Variants in SLC33A1 observed in about 807,000 individuals in gnomAD.
The protein encoded by SLC33A1 is acetyl-coenzyme A transporter 1.
A neutral mutation model predicts 50.0 loss-of-function variants in SLC33A1; 20 were observed. The observed-to-expected ratio is 0.40, with a 90% CI of 0.28 to 0.58. SLC33A1 has a LOEUF of 0.58. Ranked by LOEUF, SLC33A1 falls within the 20% of genes least tolerant of loss-of-function variation. The pLI is 0.44. For synonymous variants in SLC33A1, 265 were observed against 251.8 expected (o/e 1.05, Z -0.50); for missense variants, 476 against 657.0 (o/e 0.72, Z 3.01).
At chr3:155,842,820 GCAACATAGTGGGACCCTATCCCTA>G (rs1166163735) in intron 1 of SLC33A1, 1 of 359,552 alleles carries the variant, frequency 2.8e-6, no homozygotes, top group Non-Finnish European at 5.0e-6. Context: ...ACCAGCCTGG[GCAACATAGTGGGACCCTATCCCTA>G]CAAAAAATAA....
intron 3 of SLC33A1, 62 bp from the exon 4 acceptor site, chr3:155,833,647 A>G (rs566285669): frequency 1.3e-5 from 14 of 1,097,890 alleles, no homozygotes; most frequent in Non-Finnish European, 2.0e-5. Flanking sequence ...AACAACAAAA[A>G]CAGAAATCCG....
chr3:155,835,110 C>T lies in SLC33A1; in HGVS notation c.964-1069G>A, dbSNP rs139698714. ...GAGTTGTGGTTTTGTAAGCAGAAAA[C>T]TTGTTCTTAGGAAATACATACTTAA... On this transcript the variant is annotated intron_variant, in intron 2 of 5. Transcript: ENST00000643144. 2.7e-3 allele frequency among the ~76,000 whole-genome samples: 418 copies of T among 152,254 alleles called. 1 individual carries two copies. Among genetic ancestry groups the T allele is most frequent in the African/African-American group, 9.6e-3 (400 of 41,532 alleles).
rs1037643070 is a variant in SLC33A1 at position 155,853,662 on chromosome 3, G to T, written c.336C>A (p.Phe112Leu). The T allele has an allele frequency of 6.2e-7, 1 of 1,614,086 alleles. No homozygotes were observed. Among genetic ancestry groups the T allele is most frequent in the African/African-American group, 1.3e-5 (1 of 74,928 alleles). The change falls in exon 1 of 6, where the codon TTC becomes TTA. Residue 112 changes from phenylalanine to leucine, a missense_variant. Phe to Leu is a conservative substitution (Grantham distance 22). Transcript: ENST00000643144. ...KNVSYTDQAF[F>L]SFVFWPFSLK... The stretch of plus-strand genomic sequence containing the variant: ...GACTGAAGGGCCAAAAGACAAAACT[G>T]AAGAAAGCTTGGTCTGTATAGCTAA...
intron 2 of SLC33A1, among the ~76,000 whole-genome samples, chr3:155,838,093 C>G (rs1462475007): frequency 6.6e-6 from 1 of 151,882 alleles, no homozygotes; most frequent in African/African-American, 2.4e-5. Flanking sequence ...CACCTGAGGT[C>G]GGGAGTTCGA....
At position 155,853,491 on chromosome 3, in the gene SLC33A1, G is replaced by T. The variant is rs755616445; in HGVS notation, c.507C>A (p.Thr169=). Residue 169 remains threonine, a synonymous_variant, in exon 1 of 6, where the codon ACC becomes ACA. Transcript: ENST00000643144. ...CAATCACGTCGGGTGTTCTGTCATC[G>T]GTATTCCCAAGCAAACGGTCCACCT... ...STQVDRLLGN[T]DDRTPDVIAL... The T allele has an allele frequency of 6.2e-7, 1 of 1,614,016 alleles. No homozygotes were observed. The highest frequency in any genetic ancestry group is 8.5e-7 in the Non-Finnish European group (1 of 1,180,018).
intron 2 of SLC33A1, 40 bp from the exon 3 acceptor site, chr3:155,834,081 TATGAA>T (rs1752561330): frequency 6.4e-7 from 1 of 1,554,508 alleles, no homozygotes; most frequent in African/African-American, 1.4e-5. Flanking sequence ...ATTCGTGACT[TATGAA>T]ATATTTTCCT....
In SLC33A1 at chr3:155,822,472, T is replaced by G. The variant is rs2109296466; in HGVS notation, c.*5738A>C. On this transcript the variant is annotated 3_prime_UTR_variant, in exon 6 of 6. Transcript: ENST00000643144. ...GGTGGAAGGCACCTGTAATCCCAGC[T>G]AATGGAGAGGCTGAGGAAGGAGAAT... The G allele has an allele frequency of 6.8e-6, 1 of 147,834 alleles. No homozygotes were observed. The highest frequency in any genetic ancestry group is 2.5e-5 in the African/African-American group (1 of 39,882). 9.2% of individuals were successfully genotyped at this position (147,834 alleles called of 1,614,324 possible). A position where few individuals can be genotyped will look rare whatever the true frequency, so the allele number is the denominator to read the frequency against.
intron 3 of SLC33A1, 105 bp from the exon 4 acceptor site, chr3:155,833,690 A>ACC (rs1752540957): frequency 2.1e-6 from 2 of 946,806 alleles, no homozygotes; most frequent in Non-Finnish European, 3.5e-6. Context: ...CTGTATCTAA[A>ACC]CCTGTTAGGA....
intron 1 of SLC33A1, among the ~76,000 whole-genome samples, chr3:155,847,590 C>CA (rs1020681414): frequency 6.0e-5 from 9 of 151,252 alleles, no homozygotes; most frequent in Non-Finnish European, 8.8e-5. Flanking sequence ...ACTAAAAATA[C>CA]AAAAAAAATT....
rs998356939 is a variant in SLC33A1, at chr3:155,848,105, T to C, written c.775+5118A>G. 5.9e-5 allele frequency among the ~76,000 whole-genome samples: 9 copies of C among 152,188 alleles called. No homozygotes were observed. The South Asian group carries it at 6.2e-4, about 10-fold the overall frequency. ...GGCCTGAAGACATAGATTAGATAGA[T>C]GACAGATAGAGAGATGATAGATGAG... On this transcript the variant is annotated intron_variant, in intron 1 of 5. Transcript: ENST00000643144.
intron 4 of SLC33A1, among the ~76,000 whole-genome samples, chr3:155,831,770 G>GA (rs139237807): frequency 1.1e-4 from 16 of 151,006 alleles, no homozygotes; most frequent in Admixed American, 6.6e-4. Flanking sequence ...GTGCAAAACA[G>GA]AAAAAAAAAT....
chr3:155,842,867 G>T (rs368521350), intron 1 of SLC33A1: 1 of 251,430 alleles, frequency 4.0e-6, no homozygotes, highest in Non-Finnish European at 7.5e-6. Context: ...AATTAGCCAG[G>T]CTTGGTGGTG....
intron 4 of SLC33A1, among the ~76,000 whole-genome samples, chr3:155,832,022 G>T (rs1752455801): frequency 6.6e-6 from 1 of 152,212 alleles, no homozygotes; most frequent in Non-Finnish European, 1.5e-5. Flanking sequence ...CTGCAGTTAA[G>T]TCCCAAAGGT....
At chr3:155,829,554 T>C (rs1420580889) in intron 5 of SLC33A1, 134 bp downstream of exon 5, 5 of 686,830 alleles carry the variant, frequency 7.3e-6, no homozygotes, top group Admixed American at 2.5e-5. Flanking sequence ...AAAGAAAATA[T>C]ATATGTAGAT....
rs1401795067 is a variant in SLC33A1 at position 155,824,360 on chromosome 3, A to G, written c.*3850T>C. 1 of 152,232 alleles carries G rather than the reference A, an allele frequency of 6.6e-6. No homozygotes were observed. Among genetic ancestry groups the G allele is most frequent in the Non-Finnish European group, 1.5e-5 (1 of 68,048 alleles). 9.4% of individuals were successfully genotyped at this position (152,232 alleles called of 1,614,324 possible). On this transcript the variant is annotated 3_prime_UTR_variant, in exon 6 of 6. Transcript: ENST00000643144. The stretch of plus-strand genomic sequence containing the variant: ...CAAAAATTAAATTTTCAGCTTTTAT[A>G]TCAAATAATGGTCTCAACCATTTAA...
At position 155,848,731 on chromosome 3, in the gene SLC33A1, A is replaced by G. The variant is rs1007475989; in HGVS notation, c.775+4492T>C. On this transcript the variant is annotated intron_variant, in intron 1 of 5. Coordinates refer to ENST00000643144, the MANE Select transcript of SLC33A1 (RefSeq NM_004733.4). ...AGCAATCTTGGGATCCTATTGTCACAAAACTACAACTTACTAGAGTTGACG... is the reference window on the plus strand; with the variant it reads ...AGCAATCTTGGGATCCTATTGTCACGAAACTACAACTTACTAGAGTTGACG... Among the ~76,000 whole-genome samples, 6 of 152,256 alleles carry G rather than the reference A, an allele frequency of 3.9e-5. 1 individual carries two copies. The highest frequency in any genetic ancestry group is 1.4e-4 in the African/African-American group (6 of 41,552).
chr3:155,834,257 T>G (rs1752566595), intron 2 of SLC33A1, among the ~76,000 whole-genome samples: 3 of 152,132 alleles, frequency 2.0e-5, no homozygotes, highest in South Asian at 2.1e-4. Context: ...AACTGAAAAT[T>G]CAGTACTGGT....
At chr3:155,832,087 C>A (rs1033764280) in intron 4 of SLC33A1, among the ~76,000 whole-genome samples, 6 of 152,184 alleles carry the variant, frequency 3.9e-5, no homozygotes, top group African/African-American at 1.4e-4. Context: ...ACAAAAAAAT[C>A]TCATTCTGGG....
rs1317519753 is a variant in SLC33A1 at position 155,825,539 on chromosome 3, G to C, written c.*2671C>G. 1 of 152,018 alleles carries C rather than the reference G, an allele frequency of 6.6e-6. No homozygotes were observed. Among genetic ancestry groups the C allele is most frequent in the Non-Finnish European group, 1.5e-5 (1 of 68,012 alleles). The allele number at this position is 152,018 out of a possible 1,614,324, so 9.4% of individuals were successfully genotyped here. A position where few individuals can be genotyped will look rare whatever the true frequency, so the allele number is the denominator to read the frequency against. On this transcript the variant is annotated 3_prime_UTR_variant, in exon 6 of 6. Coordinates refer to ENST00000643144, the MANE Select transcript of SLC33A1 (RefSeq NM_004733.4). ...TGTACTCCAGCTTGGGCAAAAGTGA[G>C]ACCATGTCTCTAAAAAATAATAATA...
Sources: allele counts gnomAD v4.1 joint callset (sites outside exome capture counted in the v4.1 genomes callset), GRCh38; gene constraint gnomAD v4.1.1; transcripts MANE v1.5; gene names NCBI Gene and HGNC (gene_info 2026-07-23, HGNC 2026-07-21).